Variants in PTGIS observed in about 807,000 individuals in gnomAD.
The protein encoded by PTGIS is prostacyclin synthase.
PTGIS carries 45 observed loss-of-function variants against 50.3 expected under a neutral mutation model. The observed-to-expected ratio is 0.90, with a 90% CI of 0.70 to 1.15. The LOEUF (loss-of-function observed/expected upper bound fraction) is 1.15. PTGIS is among the 50% of genes most tolerant of loss of function. The probability of loss-of-function intolerance (pLI) is 0.00; values close to 1 mark genes in which losing one functional copy is unlikely to be tolerated. For synonymous variants in PTGIS, 260 were observed against 267.7 expected, an observed-to-expected ratio of 0.97 and a Z score of 0.28; for missense variants, 668 against 661.3, an observed-to-expected ratio of 1.01 and a Z score of -0.11.
At chr20:49,550,694 C>T (rs771197395) in intron 1 of PTGIS, among the ~76,000 whole-genome samples, 3 of 152,076 alleles carry the variant, frequency 2.0e-5, no homozygotes, top group Admixed American at 2.0e-4. Flanking sequence ...CAGAGAATCC[C>T]GAATCTCTGA....
At chr20:49,526,502 T>C (rs1377137758) in intron 5 of PTGIS, among the ~76,000 whole-genome samples, 1 of 152,056 alleles carries the variant, frequency 6.6e-6, no homozygotes, top group Non-Finnish European at 1.5e-5. Flanking sequence ...AATCAATGAA[T>C]AATTAAGCAA....
chr20:49,567,081 C>T (rs992403916), intron 1 of PTGIS, among the ~76,000 whole-genome samples: 1 of 152,040 alleles, frequency 6.6e-6, no homozygotes, highest in Admixed American at 6.6e-5. Flanking sequence ...ACAGGAGAGG[C>T]CCAGAGAGGG....
At chr20:49,508,527 C>G (rs1247591467) in intron 9 of PTGIS, among the ~76,000 whole-genome samples, 1 of 152,178 alleles carries the variant, frequency 6.6e-6, no homozygotes, top group Non-Finnish European at 1.5e-5. Flanking sequence ...TCGGCAGGTG[C>G]AGAGCTGAGC....
At chr20:49,513,445 G>C (rs930571741) in intron 7 of PTGIS, among the ~76,000 whole-genome samples, 184 bp from the exon 8 acceptor site, 1 of 152,068 alleles carries the variant, frequency 6.6e-6, no homozygotes, top group African/African-American at 2.4e-5. Flanking sequence ...TGGTCCCTCA[G>C]AGACGTTTGA....
At chr20:49,547,783 G>A (rs908525753) in intron 3 of PTGIS, 58 bp downstream of exon 3, 139 of 1,558,082 alleles carry the variant, frequency 8.9e-5, no homozygotes, top group Middle Eastern at 6.8e-4. Flanking sequence ...TGGGCCACAT[G>A]AGTAGAAATG....
At chr20:49,533,423 C>A (rs1981986608) in intron 5 of PTGIS, among the ~76,000 whole-genome samples, 1 of 152,106 alleles carries the variant, frequency 6.6e-6, no homozygotes, top group Non-Finnish European at 1.5e-5. Context: ...CTGTCCCCTG[C>A]CCCCAACTCC....
chr20:49,558,142 A>G (rs1291213448), intron 1 of PTGIS, among the ~76,000 whole-genome samples: 3 of 152,088 alleles, frequency 2.0e-5, no homozygotes, highest in African/African-American at 7.2e-5. Flanking sequence ...TAATCCCAAC[A>G]CTCTGGGAGG....
chr20:49,551,465 A>G (rs1270959751), intron 1 of PTGIS, among the ~76,000 whole-genome samples: 1 of 152,212 alleles, frequency 6.6e-6, no homozygotes, highest in Non-Finnish European at 1.5e-5. Flanking sequence ...CCAATTGCCA[A>G]TCAGAAAGTT....
chr20:49,511,110 G>A lies in PTGIS; in HGVS notation c.1276C>T (p.Arg426Trp), dbSNP rs377540375. 5.7e-5 allele frequency: 92 copies of A among 1,614,082 alleles called. No homozygotes were observed. Among genetic ancestry groups the A allele is most frequent in the Middle Eastern group, 1.6e-4 (1 of 6,068 alleles). ...EKKDFYKDGK[R>W]LKNYNMPWGA... Reference sequence around the variant, plus strand: ...CAGGGCATGTTGTAATTCTTCAGCCGTTTCCCATCCTTGTAAAAGTCTTTC... The same window carrying A: ...CAGGGCATGTTGTAATTCTTCAGCCATTTCCCATCCTTGTAAAAGTCTTTC... Residue 426 changes from arginine to tryptophan, a missense_variant, in exon 9 of 10, where the codon CGG becomes TGG. Transcript: ENST00000244043.
At chr20:49,529,507 T>A (rs13039538) in intron 5 of PTGIS, among the ~76,000 whole-genome samples, 1 of 152,198 alleles carries the variant, frequency 6.6e-6, no homozygotes, top group Non-Finnish European at 1.5e-5. Flanking sequence ...TCTTATCCAG[T>A]TTCACTTTCC....
intron 1 of PTGIS, 63 bp downstream of exon 1, chr20:49,567,980 G>A (rs1005671469): frequency 1.4e-6 from 2 of 1,417,050 alleles, no homozygotes; most frequent in Middle Eastern, 2.5e-4. Flanking sequence ...AGACCCTTGG[G>A]CTGCAGCCCG....
intron 6 of PTGIS, among the ~76,000 whole-genome samples, chr20:49,516,267 C>G (rs1469896950): frequency 6.6e-6 from 1 of 152,064 alleles, no homozygotes; most frequent in Non-Finnish European, 1.5e-5. Flanking sequence ...ACCTTTTAAA[C>G]TGTTCAAAAT....
In PTGIS at chr20:49,551,140, G is replaced by A. The variant is rs542139513; in HGVS notation, c.75-951C>T. 2.0e-5 allele frequency among the ~76,000 whole-genome samples: 3 copies of A among 152,296 alleles called. No individual in the cohort carries two copies. In the East Asian group the frequency reaches 5.8e-4, roughly 29 times the overall value. ...GAGAATCGCTTGAACCCAGGAGGAG[G>A]AGGTTGCAGTGAGCTGAGATTGCTC... On this transcript the variant is annotated intron_variant, in intron 1 of 9. Coordinates refer to ENST00000244043, the MANE Select transcript of PTGIS (RefSeq NM_000961.4).
At chr20:49,560,704 C>T (rs1982749627) in intron 1 of PTGIS, among the ~76,000 whole-genome samples, 1 of 152,090 alleles carries the variant, frequency 6.6e-6, no homozygotes, top group African/African-American at 2.4e-5. Context: ...CAGGCAGAGG[C>T]AACAGCAAGT....
intron 2 of PTGIS, 29 bp from the exon 3 acceptor site, chr20:49,548,048 G>A (rs769903211): frequency 1.5e-5 from 24 of 1,606,710 alleles, no homozygotes; most frequent in Non-Finnish European, 2.0e-5. Flanking sequence ...GATAGAGTGA[G>A]GAGTGTCACT....
intron 6 of PTGIS, among the ~76,000 whole-genome samples, chr20:49,519,118 G>A (rs1981576452): frequency 6.6e-6 from 1 of 152,052 alleles, no homozygotes; most frequent in African/African-American, 2.4e-5. Flanking sequence ...CCTGTGTTTG[G>A]AAACTCTCCT....
rs1981157293 is a variant in PTGIS at position 49,506,553 on chromosome 20, T to A, written c.*1367A>T. 1 of 152,136 alleles carries A rather than the reference T, an allele frequency of 6.6e-6. No individual in the cohort carries two copies. The highest frequency in any genetic ancestry group is 1.5e-5 in the Non-Finnish European group (1 of 68,046). The allele number at this position is 152,136 out of a possible 1,614,324, so 9.4% of individuals were successfully genotyped here. ...CCGCCACACCTGACTAATTTTTTTATGTTTAGTAGAGACGGGGTTTCGCCA... is the reference window on the plus strand; with the variant it reads ...CCGCCACACCTGACTAATTTTTTTAAGTTTAGTAGAGACGGGGTTTCGCCA... On this transcript the variant is annotated 3_prime_UTR_variant, in exon 10 of 10. Coordinates refer to ENST00000244043, the MANE Select transcript of PTGIS (RefSeq NM_000961.4).
chr20:49,527,757 A>G (rs1369105620), intron 5 of PTGIS, among the ~76,000 whole-genome samples: 1 of 152,152 alleles, frequency 6.6e-6, no homozygotes, highest in Non-Finnish European at 1.5e-5. Context: ...ATTTTATGTT[A>G]TTTATTATTT....
intron 5 of PTGIS, among the ~76,000 whole-genome samples, chr20:49,536,861 G>C (rs1982090036): frequency 6.6e-6 from 1 of 152,108 alleles, no homozygotes; most frequent in African/African-American, 2.4e-5. Flanking sequence ...CCATTTTGCA[G>C]ATGAGATCGC....
Sources: allele counts gnomAD v4.1 joint callset (sites outside exome capture counted in the v4.1 genomes callset), GRCh38; gene constraint gnomAD v4.1.1; transcripts MANE v1.5; gene names NCBI Gene and HGNC (gene_info 2026-07-23, HGNC 2026-07-21).